The following RALGAPB variants were observed in gnomAD, a reference collection of about 807,000 sequenced individuals.
The protein encoded by RALGAPB is ral GTPase-activating protein subunit beta.
In RALGAPB, 25 loss-of-function variants were observed where a neutral mutation model predicts 161.1. That is an observed-to-expected ratio of 0.16 (90% CI 0.11 to 0.22). RALGAPB has a LOEUF of 0.22. Ranked by LOEUF, RALGAPB falls within the 10% of genes least tolerant of loss-of-function variation. The pLI, the probability that RALGAPB is intolerant of heterozygous loss-of-function variation, is 1.00. For synonymous variants in RALGAPB, 629 were observed against 626.1 expected (o/e 1.00, Z -0.07); for missense variants, 1,391 against 1,815.2 (o/e 0.77, Z 4.25).
Position 38,531,160 on chromosome 20 carries a change from G to T in RALGAPB, c.2051-7G>T. ...TTATATAAAATACTGTTTTATTGTT[G>T]TTGTAGGGGCAATGTTAAATATTGT... On this transcript the variant is annotated splice_polypyrimidine_tract_variant and splice_region_variant and intron_variant, in intron 13 of 29. Transcript: ENST00000262879. The T allele has an allele frequency of 6.3e-7, 1 of 1,599,122 alleles. No individual in the cohort carries two copies. The highest frequency in any genetic ancestry group is 8.6e-7 in the Non-Finnish European group (1 of 1,167,424).
chr20:38,500,794 A>G (rs2085568991), intron 5 of RALGAPB, among the ~76,000 whole-genome samples: 1 of 152,222 alleles, frequency 6.6e-6, no homozygotes, highest in South Asian at 2.1e-4. Flanking sequence ...GAACACAGGA[A>G]TGATAAGAAA....
chr20:38,544,535 T>G (rs1329844525), intron 18 of RALGAPB, among the ~76,000 whole-genome samples: 2 of 152,208 alleles, frequency 1.3e-5, no homozygotes, highest in Non-Finnish European at 2.9e-5. Flanking sequence ...TGGCATGATC[T>G]TGACTCACTG....
intron 6 of RALGAPB, among the ~76,000 whole-genome samples, chr20:38,513,442 G>T (rs940904976): frequency 6.9e-6 from 1 of 144,138 alleles, no homozygotes; most frequent in Non-Finnish European, 1.5e-5. Flanking sequence ...AGCAGAGGTT[G>T]CACTCCAGCC....
chr20:38,555,197 A>G (rs2087534476), intron 22 of RALGAPB, among the ~76,000 whole-genome samples: 1 of 152,184 alleles, frequency 6.6e-6, no homozygotes, highest in Admixed American at 6.5e-5. Context: ...AATTTACTCT[A>G]AGTCCTGTTT....
intron 6 of RALGAPB, among the ~76,000 whole-genome samples, chr20:38,512,398 A>G (rs1186024078): frequency 1.3e-5 from 2 of 152,226 alleles, no homozygotes; most frequent in Admixed American, 1.3e-4. Flanking sequence ...TTCTTTGTGA[A>G]CTTGAGCAAT....
chr20:38,564,874 C>CTCCTCCTCT (rs1461665490), intron 24 of RALGAPB, among the ~76,000 whole-genome samples: 11 of 151,454 alleles, frequency 7.3e-5, no homozygotes, highest in Admixed American at 4.6e-4. Context: ...TTCCTCCCTC[C>CTCCTCCTCT]TCCTCCTCTT....
At chr20:38,553,801 A>AAAAAAAAAAAAAC in intron 21 of RALGAPB, 66 bp from the exon 22 acceptor site, 1 of 861,156 alleles carries the variant, frequency 1.2e-6, no homozygotes, top group Non-Finnish European at 1.7e-6. Context: ...AAAAAAAAAA[A>AAAAAAAAAAAAAC]CACTTAAGAT....
At chr20:38,502,725 C>T (rs2085633514) in intron 5 of RALGAPB, among the ~76,000 whole-genome samples, 2 of 152,178 alleles carry the variant, frequency 1.3e-5, no homozygotes, top group African/African-American at 4.8e-5. Flanking sequence ...GCCTCAGCCT[C>T]CCCAGTAGCT....
chr20:38,554,293 G>C lies in RALGAPB; in HGVS notation c.3372+217G>C, dbSNP rs187094546. 2.1e-4 allele frequency among the ~76,000 whole-genome samples: 32 copies of C among 152,178 alleles called. 1 individual carries two copies. The East Asian group carries it at 5.8e-3, about 28-fold the overall frequency. Reference sequence around the variant, plus strand: ...CATGAATGCATTCAGAGTTCTGTCTGAGGGGACTGGTTTGATGATACATCT... The same window carrying C: ...CATGAATGCATTCAGAGTTCTGTCTCAGGGGACTGGTTTGATGATACATCT... On this transcript the variant is annotated intron_variant, in intron 22 of 29. Coordinates refer to ENST00000262879, the MANE Select transcript of RALGAPB (RefSeq NM_020336.4).
chr20:38,517,756 T>C, intron 8 of RALGAPB, 28 bp from the exon 9 acceptor site: 1 of 1,605,954 alleles, frequency 6.2e-7, no homozygotes. Flanking sequence ...TTCATTGGTA[T>C]GGGTGTATTC....
At chr20:38,525,649 C>G in intron 12 of RALGAPB, 131 bp downstream of exon 12, 2 of 857,588 alleles carry the variant, frequency 2.3e-6, no homozygotes, top group Non-Finnish European at 3.6e-6. Context: ...CAAGTTATTT[C>G]AAGTGAATTA....
At chr20:38,526,134 A>C (rs2086459796) in intron 13 of RALGAPB, 92 bp downstream of exon 13, 1 of 1,374,920 alleles carries the variant, frequency 7.3e-7, no homozygotes, top group South Asian at 1.2e-5. Context: ...GGGAGCCTAA[A>C]CCTAATGTAG....
Position 38,523,858 on chromosome 20 carries a change from G to T in RALGAPB, c.1620-920G>T, listed in dbSNP as rs145787885. ...TAGAAATCAGGGAAGAGCAAGGAGA[G>T]AAGGGAGTAGTTAGAGGGCTGAATG... On this transcript the variant is annotated intron_variant, in intron 10 of 29. Transcript: ENST00000262879. 7.9e-5 allele frequency among the ~76,000 whole-genome samples: 12 copies of T among 152,316 alleles called. No homozygotes were observed. The East Asian group carries it at 2.3e-3, about 29-fold the overall frequency.
In RALGAPB at chr20:38,536,347, A is replaced by G. The variant is rs544885401; in HGVS notation, c.2379+1140A>G. Among the ~76,000 whole-genome samples, 3 of 152,294 alleles carry G rather than the reference A, an allele frequency of 2.0e-5. No individual in the cohort carries two copies. The South Asian group carries it at 6.2e-4, about 32-fold the overall frequency. On this transcript the variant is annotated intron_variant, in intron 16 of 29. Transcript: ENST00000262879. Reference sequence around the variant, plus strand: ...GATTGGATAATATTTCATTGTGTGTATATACCCCAGTTTACCCATTTATCA... The same window carrying G: ...GATTGGATAATATTTCATTGTGTGTGTATACCCCAGTTTACCCATTTATCA...
chr20:38,476,973 A>G (rs562868910), intron 1 of RALGAPB, among the ~76,000 whole-genome samples: 1 of 152,328 alleles, frequency 6.6e-6, no homozygotes, highest in African/African-American at 2.4e-5. Context: ...GGTGTGTGAA[A>G]TGCACTTAGC....
chr20:38,475,086 A>G (rs1178184361), intron 1 of RALGAPB, among the ~76,000 whole-genome samples: 1 of 152,212 alleles, frequency 6.6e-6, no homozygotes, highest in Non-Finnish European at 1.5e-5. Flanking sequence ...TTTGATTTTT[A>G]ATGTCTGATT....
intron 4 of RALGAPB, among the ~76,000 whole-genome samples, 176 bp from the exon 5 acceptor site, chr20:38,499,271 G>T (rs1393048836): frequency 6.6e-6 from 1 of 152,034 alleles, no homozygotes; most frequent in Non-Finnish European, 1.5e-5. Flanking sequence ...CTGTGATTTT[G>T]GGTACAGGAA....
chr20:38,497,060 G>T (rs6026091), intron 3 of RALGAPB, among the ~76,000 whole-genome samples: 1 of 152,158 alleles, frequency 6.6e-6, no homozygotes, highest in Non-Finnish European at 1.5e-5. Flanking sequence ...TTATGTGTTA[G>T]GCACATGTTA....
Position 38,502,978 on chromosome 20 carries a change from C to T in RALGAPB, c.740+3345C>T, listed in dbSNP as rs542095306. The stretch of plus-strand genomic sequence containing the variant: ...GCTAGAGTATAATGGCTATTCACAC[C>T]TCCTGGGCGCAAGCTGTTTAGATTG... On this transcript the variant is annotated intron_variant, in intron 5 of 29. Coordinates refer to ENST00000262879, the MANE Select transcript of RALGAPB (RefSeq NM_020336.4). Among the ~76,000 whole-genome samples the T allele has an allele frequency of 8.5e-5, 13 of 152,256 alleles. No individual in the cohort carries two copies. In the South Asian group the frequency reaches 2.3e-3, roughly 27 times the overall value.
Sources: gnomAD v4.1 joint callset for allele counts (sites outside exome capture counted in the v4.1 genomes callset) on GRCh38, gnomAD v4.1.1 for gene constraint, MANE v1.5 for transcripts, NCBI Gene and HGNC (gene_info 2026-07-23, HGNC 2026-07-21) for gene names.